Variants in EYA1 observed in about 807,000 individuals in gnomAD.
The protein encoded by EYA1 is protein phosphatase EYA1.
EYA1 carries 16 observed loss-of-function variants against 82.0 expected under a neutral mutation model. The ratio of observed to expected loss-of-function variants is 0.20; its 90% CI spans 0.13 to 0.30. The LOEUF (loss-of-function observed/expected upper bound fraction) is 0.30. Among genes scored for constraint, EYA1 ranks in the 10% least tolerant of loss-of-function variants. EYA1 has a pLI of 1.00. For synonymous variants in EYA1, 261 were observed against 264.4 expected (o/e 0.99, Z 0.12); for missense variants, 633 against 730.7 (o/e 0.87, Z 1.54).
At chr8:71,314,830 C>T (rs566035007) in intron 7 of EYA1, among the ~76,000 whole-genome samples, 2 of 152,228 alleles carry the variant, frequency 1.3e-5, no homozygotes, top group African/African-American at 2.4e-5. Flanking sequence ...AATAAAAACA[C>T]ACAAAAAGTT....
intron 2 of EYA1, 100 bp downstream of exon 2, chr8:71,356,362 G>T: frequency 2.0e-6 from 2 of 997,378 alleles, no homozygotes; most frequent in Non-Finnish European, 3.0e-6. Flanking sequence ...AACAGAGGCT[G>T]TTACTATTAA....
chr8:71,318,596 A>G (rs1280303915), intron 6 of EYA1, among the ~76,000 whole-genome samples: 3 of 152,168 alleles, frequency 2.0e-5, no homozygotes, highest in East Asian at 1.9e-4. Flanking sequence ...ACAGTCATAC[A>G]TGTTAACAAC....
Position 71,197,786 on chromosome 8 carries a change from A to C in EYA1, c.*1554T>G, listed in dbSNP as rs1164833563. On this transcript the variant is annotated 3_prime_UTR_variant, in exon 18 of 18. Transcript: ENST00000340726. ...CGCCCAATATATGATTGATTAAAGA[A>C]GACTCATCCTAAGGGTAATTTCATG... 1.3e-5 allele frequency: 2 copies of C among 152,680 alleles called. No individual in the cohort carries two copies. Among genetic ancestry groups the C allele is most frequent in the Admixed American group, 6.5e-5 (1 of 15,286 alleles). 9.5% of individuals were successfully genotyped at this position (152,680 alleles called of 1,614,324 possible).
chr8:71,472,535 A>G (rs1408998388), intron 2 of EYA1, among the ~76,000 whole-genome samples: 2 of 152,164 alleles, frequency 1.3e-5, no homozygotes, highest in East Asian at 3.9e-4. Flanking sequence ...AGCAGCCATT[A>G]TTATTATGCT....
chr8:71,380,603 A>G (rs1012330351), intron 2 of EYA1, among the ~76,000 whole-genome samples: 4 of 152,166 alleles, frequency 2.6e-5, no homozygotes, highest in African/African-American at 9.7e-5. Context: ...CCTGGCCTGG[A>G]ATGTCCAGCC....
chr8:71,540,521 GCAGGCCATGGGGACAGACTT>G (rs1184933828), intron 1 of EYA1, among the ~76,000 whole-genome samples: 3 of 152,228 alleles, frequency 2.0e-5, no homozygotes, highest in Admixed American at 6.5e-5. Context: ...GTCAAGCCAG[GCAGGCCATGGGGACAGACTT>G]CCCAGGTTGA....
chr8:71,425,190 G>A (rs1257650708), intron 2 of EYA1, among the ~76,000 whole-genome samples: 1 of 151,672 alleles, frequency 6.6e-6, no homozygotes, highest in African/African-American at 2.4e-5. Context: ...GGCTGAGGCA[G>A]GAGAATGGTG....
At chr8:71,460,150 A>T (rs1413448425) in intron 2 of EYA1, among the ~76,000 whole-genome samples, 1 of 152,216 alleles carries the variant, frequency 6.6e-6, no homozygotes, top group Non-Finnish European at 1.5e-5. Context: ...TCTAAGATGA[A>T]GAGATCTATG....
chr8:71,542,903 GT>G lies in EYA1; in HGVS notation c.-73+4960del, dbSNP rs566607231. Among the ~76,000 whole-genome samples, 10 of 151,872 alleles carry G rather than the reference GT, an allele frequency of 6.6e-5. No homozygotes were observed. In the South Asian group the frequency reaches 1.7e-3, roughly 25 times the overall value. On this transcript the variant is annotated intron_variant, in intron 1 of 18. Transcript: ENST00000643681. ...TGTCCTTTGCCCACTTTTTAATGGGGTTTTTTTTCTTGTAAATTTGTTTAAG... is the reference window on the plus strand; with the variant it reads ...TGTCCTTTGCCCACTTTTTAATGGGGTTTTTTTCTTGTAAATTTGTTTAAG...
chr8:71,333,497 A>G (rs1162085392), intron 4 of EYA1, among the ~76,000 whole-genome samples: 1 of 152,212 alleles, frequency 6.6e-6, no homozygotes, highest in East Asian at 1.9e-4. Flanking sequence ...GCAAACATAT[A>G]ATCACATTCT....
At chr8:71,402,026 A>G (rs1829984431) in intron 2 of EYA1, among the ~76,000 whole-genome samples, 1 of 152,150 alleles carries the variant, frequency 6.6e-6, no homozygotes, top group Non-Finnish European at 1.5e-5. Context: ...CTCTGCTTCT[A>G]AATCTGTCTG....
At chr8:71,417,624 T>C (rs1341509775) in intron 2 of EYA1, among the ~76,000 whole-genome samples, 1 of 152,180 alleles carries the variant, frequency 6.6e-6, no homozygotes, top group Non-Finnish European at 1.5e-5. Flanking sequence ...AATTTCTGGT[T>C]GTTACAACTA....
chr8:71,216,413 C>T (rs201175729), intron 14 of EYA1, among the ~76,000 whole-genome samples: 2 of 83,202 alleles, frequency 2.4e-5, no homozygotes, highest in Admixed American at 1.5e-4. Flanking sequence ...GGATGCTAAT[C>T]CTTCCTTGAA....
chr8:71,428,711 G>A lies in EYA1; in HGVS notation c.34-72200C>T, dbSNP rs188581618. ...GGTGCATTCAAGTGTTCATTAAAGT[G>A]TCCTAACTGCTCTTTTCTTTTTCTA... is the stretch of plus-strand genomic sequence containing the variant. On this transcript the variant is annotated intron_variant, in intron 2 of 18. Transcript: ENST00000643681. 4.8e-3 allele frequency among the ~76,000 whole-genome samples: 730 copies of A among 152,200 alleles called. 8 individuals are homozygous for A. The highest frequency in any genetic ancestry group is 0.017 in the African/African-American group (711 of 41,520).
At chr8:71,484,560 T>TAG (rs1810416794) in intron 2 of EYA1, among the ~76,000 whole-genome samples, 1 of 152,210 alleles carries the variant, frequency 6.6e-6, no homozygotes, top group African/African-American at 2.4e-5. Flanking sequence ...GGGTCATTCC[T>TAG]ATGTTGCTGT....
intron 2 of EYA1, chr8:71,530,840 T>A (rs1814210335): frequency 6.6e-6 from 1 of 152,202 alleles, no homozygotes; most frequent in Non-Finnish European, 1.5e-5. Flanking sequence ...TTCAAATTTA[T>A]CATAACTTAA....
chr8:71,324,729 T>C (rs1656832974), intron 4 of EYA1, among the ~76,000 whole-genome samples: 1 of 152,314 alleles, frequency 6.6e-6, no homozygotes, highest in East Asian at 1.9e-4. Flanking sequence ...AAGCATACTG[T>C]CTTCCGACCC....
chr8:71,296,549 A>G (rs1280047070), intron 9 of EYA1, among the ~76,000 whole-genome samples: 1 of 152,044 alleles, frequency 6.6e-6, no homozygotes, highest in Non-Finnish European at 1.5e-5. Flanking sequence ...ACCAGGTCAT[A>G]CATAAGATAA....
rs138302757 is a variant in EYA1, at chr8:71,543,006, T to C, written c.-73+4858A>G. 6.6e-4 allele frequency among the ~76,000 whole-genome samples: 100 copies of C among 152,296 alleles called. 1 individual carries two copies. In the East Asian group the frequency reaches 9.8e-3, roughly 15 times the overall value. ...CATTTTTTTCCCATTCTGTAGATTG[T>C]CTGTTCACTCTGTTGACAGTTTCCT... On this transcript the variant is annotated intron_variant, in intron 1 of 18. Transcript: ENST00000643681.
Sources: allele counts gnomAD v4.1 joint callset (sites outside exome capture counted in the v4.1 genomes callset), GRCh38; gene constraint gnomAD v4.1.1; transcripts MANE v1.5; gene names NCBI Gene and HGNC (gene_info 2026-07-23, HGNC 2026-07-21).